The following MATN4 variants were observed in gnomAD, a reference collection of about 807,000 sequenced individuals.
The protein encoded by MATN4 is matrilin 4, also known as matrilin-4.
MATN4 carries 40 observed loss-of-function variants against 54.6 expected under a neutral mutation model. The ratio of observed to expected loss-of-function variants is 0.73; its 90% CI spans 0.57 to 0.95. The LOEUF is 0.95. MATN4 is among the 40% of genes least tolerant of loss of function. The probability of loss-of-function intolerance (pLI) is 0.00; values close to 1 mark genes in which losing one functional copy is unlikely to be tolerated. For missense variants in MATN4, 810 were observed against 819.1 expected (o/e 0.99, Z 0.13); for synonymous variants, 351 against 345.3 (o/e 1.02, Z -0.18).
rs1488470558 is a variant in MATN4 at position 45,301,310 on chromosome 20, G to T, written c.766+11C>A. ...TCCAGGGTGTGGTGGGAGGGTGGGGGTGTTGCTCACCCCTGCAGCTCCTCT... is the reference window on the plus strand; with the variant it reads ...TCCAGGGTGTGGTGGGAGGGTGGGGTTGTTGCTCACCCCTGCAGCTCCTCT... On this transcript the variant is annotated intron_variant, in intron 4 of 9. Coordinates refer to ENST00000372756, the MANE Select transcript of MATN4 (RefSeq NM_001393530.1). The T allele has an allele frequency of 3.7e-6, 6 of 1,614,110 alleles. No individual in the cohort carries two copies. Among genetic ancestry groups the T allele is most frequent in the Non-Finnish European group, 5.1e-6 (6 of 1,180,000 alleles).
chr20:45,306,585 C>G (rs1986696550), intron 1 of MATN4, among the ~76,000 whole-genome samples: 1 of 152,258 alleles, frequency 6.6e-6, no homozygotes, highest in Non-Finnish European at 1.5e-5. Flanking sequence ...GGGGCTGCGC[C>G]CTGTTGCGGG....
chr20:45,301,193 G>A lies in MATN4; in HGVS notation c.798C>T (p.Ser266=), dbSNP rs776356142. ...GGGTGCTAACACACTCATGCTGACAGCTATGGTTCCCAAAGCTGCAGTAGT... is the reference window on the plus strand; with the variant it reads ...GGGTGCTAACACACTCATGCTGACAACTATGGTTCCCAAAGCTGCAGTAGT... ...AIDYCSFGNH[S]CQHECVSTPG... is the part of the protein sequence containing the mutation. The change falls in exon 5 of 10, where the codon AGC becomes AGT. Residue 266 remains serine, a synonymous_variant. Transcript: ENST00000372756. 31 of 1,614,180 alleles carry A rather than the reference G, an allele frequency of 1.9e-5. No homozygotes were observed. In the South Asian group the frequency reaches 2.5e-4, roughly 13 times the overall value.
rs1240524843 is a variant in MATN4 at position 45,305,630 on chromosome 20, G to A, written c.-34-14C>T. On this transcript the variant is annotated splice_polypyrimidine_tract_variant and intron_variant, in intron 1 of 9. Coordinates refer to ENST00000372756, the MANE Select transcript of MATN4 (RefSeq NM_001393530.1). ...AGGTGTCAGAGCCTGGAGGGAGGAA[G>A]GAAAATAGAAAAGCAACAGTATTTA... 8.0e-6 allele frequency: 11 copies of A among 1,381,458 alleles called. No homozygotes were observed. In the East Asian group the frequency reaches 2.7e-4, roughly 34 times the overall value. The allele number at this position is 1,381,458 out of a possible 1,614,324, so 85.6% of individuals were successfully genotyped here. A position where few individuals can be genotyped will look rare whatever the true frequency, so the allele number is the denominator to read the frequency against.
In MATN4 at chr20:45,304,233, A is replaced by T; in HGVS notation, c.638T>A (p.Leu213Gln). The stretch of plus-strand genomic sequence containing the variant: ...CCAGCGCCCTCCTAACTCACCACAC[A>T]GCCGGCTCTGGAACTGCAGGCCGAA... ...QEFGLQFQSR[L>Q]CAIDLCAEGT... Residue 213 changes from leucine to glutamine, a missense_variant, in exon 3 of 10, where the codon CTG becomes CAG. Transcript: ENST00000372756. The T allele has an allele frequency of 6.6e-7, 1 of 1,511,648 alleles. No homozygotes were observed. The highest frequency in any genetic ancestry group is 8.8e-7 in the Non-Finnish European group (1 of 1,134,290). 93.6% of individuals were successfully genotyped at this position (1,511,648 alleles called of 1,614,324 possible).
intron 8 of MATN4, among the ~76,000 whole-genome samples, chr20:45,294,489 A>G (rs539447692): frequency 7.6e-4 from 116 of 152,392 alleles, no homozygotes; most frequent in African/African-American, 2.6e-3. Context: ...ATTTTATGCA[A>G]TGATGAAAGT....
At position 45,301,303 on chromosome 20, in the gene MATN4, G is replaced by A. The variant is rs769450645; in HGVS notation, c.766+18C>T. On this transcript the variant is annotated intron_variant, in intron 4 of 9. Coordinates refer to ENST00000372756, the MANE Select transcript of MATN4 (RefSeq NM_001393530.1). ...GCCACAGTCCAGGGTGTGGTGGGAG[G>A]GTGGGGGTGTTGCTCACCCCTGCAG... is the stretch of plus-strand genomic sequence containing the variant. 1.2e-6 allele frequency: 2 copies of A among 1,614,080 alleles called. No individual in the cohort carries two copies. The highest frequency in any genetic ancestry group is 1.1e-5 in the South Asian group (1 of 91,080).
At chr20:45,300,651 T>C (rs1986161863) in intron 6 of MATN4, among the ~76,000 whole-genome samples, 1 of 152,162 alleles carries the variant, frequency 6.6e-6, no homozygotes, top group Non-Finnish European at 1.5e-5. Flanking sequence ...AGAAGGCTTG[T>C]GCACAAAGGA....
intron 2 of MATN4, among the ~76,000 whole-genome samples, chr20:45,305,209 G>A (rs1986522778): frequency 6.6e-6 from 1 of 152,180 alleles, no homozygotes; most frequent in East Asian, 1.9e-4. Flanking sequence ...GCAGATCCCT[G>A]GTTTTTCAAG....
Position 45,298,634 on chromosome 20 carries a change from C to A in MATN4, c.1013-51G>T. The A allele has an allele frequency of 7.0e-7, 1 of 1,426,540 alleles. No homozygotes were observed. Among genetic ancestry groups the A allele is most frequent in the Non-Finnish European group, 9.5e-7 (1 of 1,055,670 alleles). 88.4% of individuals were successfully genotyped at this position (1,426,540 alleles called of 1,614,324 possible). A position where few individuals can be genotyped will look rare whatever the true frequency, so the allele number is the denominator to read the frequency against. ...GAGGGACCAGATTCTGGACTGGCAG[C>A]AGCTGTCTATCCATCTAGTCGTTCA... On this transcript the variant is annotated intron_variant, in intron 6 of 9. Coordinates refer to ENST00000372756, the MANE Select transcript of MATN4 (RefSeq NM_001393530.1). The surrounding 1 kb of genome is among the most constrained non-coding windows in gnomAD (Gnocchi z 4.6).
In MATN4 at chr20:45,294,024, C is replaced by G; in HGVS notation, c.1580-9G>C. 1 of 1,594,362 alleles carries G rather than the reference C, an allele frequency of 6.3e-7. No homozygotes were observed. Among genetic ancestry groups the G allele is most frequent in the Non-Finnish European group, 8.5e-7 (1 of 1,174,132 alleles). Reference sequence around the variant, plus strand: ...TGCGCTGATGCCCTCCTCTGCAAGCCGGACACAGAGGGTCAGGGGGATGAG... The same window carrying G: ...TGCGCTGATGCCCTCCTCTGCAAGCGGGACACAGAGGGTCAGGGGGATGAG... On this transcript the variant is annotated splice_polypyrimidine_tract_variant and intron_variant, in intron 8 of 9. Coordinates refer to ENST00000372756, the MANE Select transcript of MATN4 (RefSeq NM_001393530.1).
chr20:45,300,190 G>A (rs935045613), intron 6 of MATN4, among the ~76,000 whole-genome samples: 1 of 152,194 alleles, frequency 6.6e-6, no homozygotes, highest in African/African-American at 2.4e-5. Context: ...AAGATCAGTA[G>A]GAGTTTGCCA....
chr20:45,307,973 G>A (rs1457654938), intron 1 of MATN4, among the ~76,000 whole-genome samples: 1 of 152,198 alleles, frequency 6.6e-6, no homozygotes, highest in East Asian at 1.9e-4. Context: ...CTGGAGGGAT[G>A]AGAGTAGAAA....
intron 6 of MATN4, among the ~76,000 whole-genome samples, chr20:45,299,406 G>A (rs1334561962): frequency 1.3e-5 from 2 of 152,180 alleles, no homozygotes; most frequent in Non-Finnish European, 2.9e-5. Flanking sequence ...TGTTAAGGAA[G>A]GCTGCATGGA....
rs768957897 is a variant in MATN4 at position 45,297,973 on chromosome 20, C to T, written c.1524G>A (p.Pro508=). The stretch of plus-strand genomic sequence containing the variant: ...GCAGGTGCGTCATGGTGCCGAAGTC[C>T]GGGGCATAGGACACGTGCAGTTCCG... ...EPAELHVSYA[P]DFGTMTHLLE... is the part of the protein sequence containing the mutation. The change falls in exon 8 of 10, where the codon CCG becomes CCA. Residue 508 remains proline, a synonymous_variant. Coordinates refer to ENST00000372756, the MANE Select transcript of MATN4 (RefSeq NM_001393530.1). 2.5e-6 allele frequency: 4 copies of T among 1,614,058 alleles called. No homozygotes were observed. Among genetic ancestry groups the T allele is most frequent in the Admixed American group, 3.3e-5 (2 of 60,010 alleles).
At chr20:45,304,873 G>C in intron 2 of MATN4, 76 bp from the exon 3 acceptor site, 1 of 935,288 alleles carries the variant, frequency 1.1e-6, no homozygotes, top group Non-Finnish European at 1.6e-6. Flanking sequence ...GAAACCCAGG[G>C]GAAATGCCGC....
At chr20:45,300,094 C>T (rs2043262075) in intron 6 of MATN4, among the ~76,000 whole-genome samples, 1 of 152,168 alleles carries the variant, frequency 6.6e-6, no homozygotes, top group Non-Finnish European at 1.5e-5. Flanking sequence ...TGGTCTTGGA[C>T]TCCTCAGCCT....
Position 45,293,654 on chromosome 20 carries a change from A to C in MATN4, c.*113T>G. The C allele has an allele frequency of 9.8e-7, 1 of 1,019,844 alleles. No individual in the cohort carries two copies. Among genetic ancestry groups the C allele is most frequent in the Non-Finnish European group, 1.4e-6 (1 of 734,764 alleles). The allele number at this position is 1,019,844 out of a possible 1,614,324, so 63.2% of individuals were successfully genotyped here. A position where few individuals can be genotyped will look rare whatever the true frequency, so the allele number is the denominator to read the frequency against. On this transcript the variant is annotated 3_prime_UTR_variant, in exon 10 of 10. Coordinates refer to ENST00000372756, the MANE Select transcript of MATN4 (RefSeq NM_001393530.1). ...GAAGCCCGCCAGCGCCTCCGCCCCG[A>C]CAGCCCAAGCCGGACGGGCCCAGGT...
At chr20:45,308,042 C>T in intron 1 of MATN4, 133 bp downstream of exon 1, 1 of 759,228 alleles carries the variant, frequency 1.3e-6, no homozygotes, top group East Asian at 2.5e-5. Flanking sequence ...AAGGACCCTG[C>T]AGAAGTGGGG....
rs1273163028 is a variant in MATN4 at position 45,304,237 on chromosome 20, G to T, written c.634C>A (p.Arg212=). Residue 212 remains arginine (R), a synonymous_variant, in exon 3 of 10, where the codon CGG becomes AGG. Transcript: ENST00000372756. ...IQEFGLQFQS[R]LCAIDLCAEG... ...CGCCCTCCTAACTCACCACACAGCC[G>T]GCTCTGGAACTGCAGGCCGAACTCC... 1 of 1,513,942 alleles carries T rather than the reference G, an allele frequency of 6.6e-7. No homozygotes were observed. Among genetic ancestry groups the T allele is most frequent in the Admixed American group, 2.3e-5 (1 of 42,974 alleles). 93.8% of individuals were successfully genotyped at this position (1,513,942 alleles called of 1,614,324 possible).
Sources: gnomAD v4.1 joint callset for allele counts (sites outside exome capture counted in the v4.1 genomes callset) on GRCh38, gnomAD v4.1.1 for gene constraint, Gnocchi (gnomAD v3.1) non-coding constraint, MANE v1.5 for transcripts, NCBI Gene and HGNC (gene_info 2026-07-23, HGNC 2026-07-21) for gene names.